Variants in FAM107B observed in about 807,000 individuals in gnomAD.
FAM107B encodes the protein family with sequence similarity 107 member B.
FAM107B carries 21 observed loss-of-function variants against 31.5 expected under a neutral mutation model. The ratio of observed to expected loss-of-function variants is 0.67; its 90% CI spans 0.47 to 0.96. The LOEUF (loss-of-function observed/expected upper bound fraction) is 0.96. FAM107B is among the 40% of genes least tolerant of loss of function. The pLI, the probability that FAM107B is intolerant of heterozygous loss-of-function variation, is 0.00. For missense variants in FAM107B, 452 were observed against 377.1 expected, an observed-to-expected ratio of 1.20 and a Z score of -1.64; for synonymous variants, 157 against 141.5, an observed-to-expected ratio of 1.11 and a Z score of -0.78.
chr10:14,753,052 C>A (rs1419646222), intron 1 of FAM107B, among the ~76,000 whole-genome samples: 2 of 152,108 alleles, frequency 1.3e-5, no homozygotes, highest in African/African-American at 4.8e-5. Context: ...TCAGTGTTCC[C>A]AAAGTACAAA....
At chr10:14,713,476 C>T (rs965896781) in intron 1 of FAM107B, among the ~76,000 whole-genome samples, 6 of 152,144 alleles carry the variant, frequency 3.9e-5, no homozygotes. Flanking sequence ...GAATCTCTTG[C>T]CATTTCTGGA....
intron 2 of FAM107B, among the ~76,000 whole-genome samples, chr10:14,536,272 C>T (rs868257242): frequency 2.6e-5 from 4 of 152,222 alleles, no homozygotes; most frequent in African/African-American, 4.8e-5. Context: ...CACGTGGCAA[C>T]GTGTACAGTT....
At chr10:14,769,396 C>CT (rs58288963) in intron 1 of FAM107B, among the ~76,000 whole-genome samples, 19,774 of 151,950 alleles carry the variant, frequency 0.13, 3,201 homozygotes, top group African/African-American at 0.38. Context: ...TTTTTCTTTT[C>CT]TTTTTTTAGA....
intron 2 of FAM107B, among the ~76,000 whole-genome samples, chr10:14,583,966 G>A (rs774264603): frequency 1.2e-4 from 18 of 152,188 alleles, no homozygotes; most frequent in Non-Finnish European, 1.5e-5. Context: ...TTAGGAAAGA[G>A]GGTTTTGAGT....
intron 2 of FAM107B, among the ~76,000 whole-genome samples, chr10:14,580,961 A>T (rs1368921823): frequency 6.6e-6 from 1 of 152,236 alleles, no homozygotes; most frequent in Non-Finnish European, 1.5e-5. Context: ...AAGTTCAATA[A>T]GCAATCTCAC....
chr10:14,774,535 G>T lies in FAM107B; in HGVS notation c.129C>A (p.Ser43=). ...CGGTGGAATGAGTATCAGCCACGCCGGACTGATTGAAGGAAGCACTCTCCC... is the reference window on the plus strand; with the variant it reads ...CGGTGGAATGAGTATCAGCCACGCCTGACTGATTGAAGGAAGCACTCTCCC... The part of the protein sequence containing the change: ...NTRESASFNQ[S]GVADTHSTVR... Residue 43 remains serine, a synonymous_variant, in exon 1 of 5, where the codon TCC becomes TCA. Transcript: ENST00000181796. 6.2e-7 allele frequency: 1 copy of T among 1,614,176 alleles called. No individual in the cohort carries two copies. Among genetic ancestry groups the T allele is most frequent in the Non-Finnish European group, 8.5e-7 (1 of 1,180,040 alleles).
At chr10:14,670,322 T>C (rs1020222488) in intron 1 of FAM107B, among the ~76,000 whole-genome samples, 12 of 152,348 alleles carry the variant, frequency 7.9e-5, no homozygotes, top group Non-Finnish European at 1.5e-4. Flanking sequence ...ATCTCAAATG[T>C]ATGTGTTGTA....
intron 1 of FAM107B, among the ~76,000 whole-genome samples, chr10:14,733,354 T>C (rs1856218159): frequency 6.6e-6 from 1 of 152,156 alleles, no homozygotes; most frequent in Non-Finnish European, 1.5e-5. Context: ...TTTGTCAGCA[T>C]CATGCAAAGA....
chr10:14,725,999 T>TC (rs1856026570), intron 1 of FAM107B, among the ~76,000 whole-genome samples: 1 of 150,714 alleles, frequency 6.6e-6, no homozygotes, highest in African/African-American at 2.4e-5. Context: ...CTAATTTTTT[T>TC]TTTTCCTTTT....
At chr10:14,638,685 A>T (rs1853559420) in intron 2 of FAM107B, among the ~76,000 whole-genome samples, 1 of 152,132 alleles carries the variant, frequency 6.6e-6, no homozygotes, top group South Asian at 2.1e-4. Context: ...TTATCCAGTT[A>T]GTGACCAAGA....
intron 2 of FAM107B, among the ~76,000 whole-genome samples, chr10:14,656,844 G>C (rs912148083): frequency 6.6e-6 from 1 of 152,196 alleles, no homozygotes; most frequent in Non-Finnish European, 1.5e-5. Context: ...TTTCATTCCT[G>C]GTAACCGGTA....
chr10:14,559,848 C>T (rs931696979), intron 2 of FAM107B, among the ~76,000 whole-genome samples: 3 of 151,820 alleles, frequency 2.0e-5, no homozygotes, highest in African/African-American at 4.8e-5. Flanking sequence ...GGATTACAAG[C>T]GTGAGCCACC....
intron 1 of FAM107B, among the ~76,000 whole-genome samples, chr10:14,679,902 G>A (rs150219141): frequency 0.034 from 5,188 of 152,236 alleles, 291 homozygotes; most frequent in African/African-American, 0.12. Flanking sequence ...TCCCGTGCTG[G>A]ATGCTTCCTG....
chr10:14,723,587 C>A, intron 1 of FAM107B: 2 of 673,116 alleles, frequency 3.0e-6, no homozygotes, highest in Non-Finnish European at 5.5e-6. Flanking sequence ...GCTATGTCCA[C>A]ATAGAACAGA....
In FAM107B at chr10:14,747,713, A is replaced by G. The variant is rs564487292; in HGVS notation, c.411+26540T>C. Reference sequence around the variant, plus strand: ...CTCAGAGAGGCACCAAGCTAATGCCAGCAGGAACACTCCTGTATAAGGTAT... The same window carrying G: ...CTCAGAGAGGCACCAAGCTAATGCCGGCAGGAACACTCCTGTATAAGGTAT... On this transcript the variant is annotated intron_variant, in intron 1 of 4. Coordinates refer to ENST00000181796, the MANE Select transcript of FAM107B (RefSeq NM_031453.4). Among the ~76,000 whole-genome samples, 368 of 152,340 alleles carry G rather than the reference A, an allele frequency of 2.4e-3. 1 individual carries two copies. The highest frequency in any genetic ancestry group is 4.1e-3 in the Non-Finnish European group (276 of 68,026).
chr10:14,540,362 T>C (rs1048148611), intron 2 of FAM107B, among the ~76,000 whole-genome samples: 5 of 152,190 alleles, frequency 3.3e-5, no homozygotes, highest in African/African-American at 9.7e-5. Flanking sequence ...ACAAATGTCA[T>C]CCTTCAAATA....
At chr10:14,703,876 C>T (rs1449424717) in intron 1 of FAM107B, among the ~76,000 whole-genome samples, 1 of 152,136 alleles carries the variant, frequency 6.6e-6, no homozygotes, top group East Asian at 1.9e-4. Flanking sequence ...TTCTGTTTCT[C>T]CCCAGGTTCT....
chr10:14,616,119 G>A (rs1219283917), intron 2 of FAM107B, among the ~76,000 whole-genome samples: 1 of 152,156 alleles, frequency 6.6e-6, no homozygotes, highest in African/African-American at 2.4e-5. Flanking sequence ...CTTAAGGACA[G>A]TGGCTTTTTA....
chr10:14,631,971 G>A (rs913667529), intron 2 of FAM107B, among the ~76,000 whole-genome samples: 4 of 152,118 alleles, frequency 2.6e-5, no homozygotes, highest in Admixed American at 2.6e-4. Flanking sequence ...GCAGGTTCCT[G>A]AGCCATTAGG....
Sources: gnomAD v4.1 joint callset for allele counts (sites outside exome capture counted in the v4.1 genomes callset) on GRCh38, gnomAD v4.1.1 for gene constraint, MANE v1.5 for transcripts, NCBI Gene and HGNC (gene_info 2026-07-23, HGNC 2026-07-21) for gene names.